SPON1: variants seen among roughly 807,000 people sequenced by gnomAD.
SPON1 encodes spondin 1.
SPON1 carries 52 observed loss-of-function variants against 111.7 expected under a neutral mutation model. That is an observed-to-expected ratio of 0.47 (90% confidence interval 0.37 to 0.59). The LOEUF is 0.59. Ranked by LOEUF, SPON1 falls within the 20% of genes least tolerant of loss-of-function variation. SPON1 has a pLI of 0.00. For synonymous variants in SPON1, 410 were observed against 395.8 expected (o/e 1.04, Z -0.43); for missense variants, 957 against 1,068.5 (o/e 0.90, Z 1.46).
At chr11:14,008,840 C>T (rs1374762483) in intron 2 of SPON1, among the ~76,000 whole-genome samples, 1 of 152,176 alleles carries the variant, frequency 6.6e-6, no homozygotes, top group African/African-American at 2.4e-5. Flanking sequence ...CAGGAATTTT[C>T]CTTCTTAAAA....
chr11:14,066,993 C>G (rs1272148212), intron 3 of SPON1, among the ~76,000 whole-genome samples: 2 of 152,024 alleles, frequency 1.3e-5, no homozygotes, highest in African/African-American at 4.8e-5. Flanking sequence ...GACAGCATAG[C>G]AAGACCCCAT....
intron 2 of SPON1, among the ~76,000 whole-genome samples, chr11:14,013,517 C>T (rs528598103): frequency 6.6e-6 from 1 of 152,204 alleles, no homozygotes. Flanking sequence ...AATTCTCTAA[C>T]TCACCAATGG....
At chr11:14,139,640 C>A (rs1427635928) in intron 6 of SPON1, among the ~76,000 whole-genome samples, 4 of 151,526 alleles carry the variant, frequency 2.6e-5, no homozygotes, top group Non-Finnish European at 4.4e-5. Flanking sequence ...GGAGATGCAG[C>A]AGTAATTAAG....
At chr11:14,081,984 T>C (rs1448140513) in intron 5 of SPON1, among the ~76,000 whole-genome samples, 2 of 152,128 alleles carry the variant, frequency 1.3e-5, no homozygotes, top group Non-Finnish European at 2.9e-5. Context: ...GGGAGACCTG[T>C]GCGAAGAAAC....
In SPON1 at chr11:14,163,341, C is replaced by T. The variant is rs1425723502; in HGVS notation, c.825+27773C>T. 2.0e-5 allele frequency among the ~76,000 whole-genome samples: 3 copies of T among 152,288 alleles called. 1 individual carries two copies. The Middle Eastern group carries it at 0.01, about 518-fold the overall frequency. ...GCAAAATTCAAGTCCAGGTCATGAG[C>T]ATCTACAACTTACATGTGTACCACA... On this transcript the variant is annotated intron_variant, in intron 6 of 15. Coordinates refer to ENST00000576479, the MANE Select transcript of SPON1 (RefSeq NM_006108.4).
chr11:14,259,382 C>T lies in SPON1; in HGVS notation c.1595C>T (p.Pro532Leu), dbSNP rs782732171. Residue 532 changes from proline to leucine, a missense_variant, in exon 12 of 16, where the codon CCG (proline) becomes CTG (leucine). Around this residue, in one of 5 missense-constraint regions of SPON1, gnomAD observed 549 missense variants for 606.2 expected, o/e 0.91. Transcript: ENST00000576479. The surrounding 1 kb of genome is among the most constrained non-coding windows in gnomAD (Gnocchi z 5.0). Reference protein sequence around the residue: ...RSRERYVKQFPEDGSVCTLPT... With the variant: ...RSRERYVKQFLEDGSVCTLPT... The stretch of plus-strand genomic sequence containing the variant: ...CGGGAGAGGTATGTGAAGCAGTTCC[C>T]GGAGGACGGCTCCGTGTGCACGCTG... 5 of 1,611,904 alleles carry T rather than the reference C, an allele frequency of 3.1e-6. No homozygotes were observed. Among genetic ancestry groups the T allele is most frequent in the African/African-American group, 1.3e-5 (1 of 75,008 alleles).
chr11:14,087,857 C>T (rs1387382574), intron 5 of SPON1, among the ~76,000 whole-genome samples: 1 of 152,178 alleles, frequency 6.6e-6, no homozygotes, highest in Non-Finnish European at 1.5e-5. Flanking sequence ...GGATAGTTAG[C>T]TCTTCTTGTT....
At chr11:13,993,123 C>T (rs1848244408) in intron 2 of SPON1, among the ~76,000 whole-genome samples, 1 of 152,080 alleles carries the variant, frequency 6.6e-6, no homozygotes, top group Admixed American at 6.6e-5. Flanking sequence ...ATACAGAGAA[C>T]ACAGACTCAC....
chr11:14,153,026 C>G (rs1375486850), intron 6 of SPON1, among the ~76,000 whole-genome samples: 1 of 152,072 alleles, frequency 6.6e-6, no homozygotes, highest in Non-Finnish European at 1.5e-5. Flanking sequence ...AAATTAGGGC[C>G]CTAAGACAAC....
At position 14,075,340 on chromosome 11, in the gene SPON1, C is replaced by T; in HGVS notation, c.480-5C>T. ...CCACTGTGCTTGGGTCTTCTTTCTT[C>T]ACAGGGCCAGCATCGTACAAAAACG... On this transcript the variant is annotated splice_region_variant and splice_polypyrimidine_tract_variant and intron_variant, in intron 3 of 15. Transcript: ENST00000576479. The T allele has an allele frequency of 1.9e-6, 3 of 1,555,938 alleles. No homozygotes were observed. Among genetic ancestry groups the T allele is most frequent in the Non-Finnish European group, 2.6e-6 (3 of 1,148,694 alleles).
intron 5 of SPON1, among the ~76,000 whole-genome samples, chr11:14,085,370 G>C (rs1226070579): frequency 6.6e-6 from 1 of 152,128 alleles, no homozygotes; most frequent in African/African-American, 2.4e-5. Context: ...CATATGGCTA[G>C]GCAGTTTTCC....
intron 5 of SPON1, among the ~76,000 whole-genome samples, chr11:14,118,918 G>A (rs142200707): frequency 1.4e-3 from 216 of 152,314 alleles, no homozygotes; most frequent in Non-Finnish European, 2.0e-3. Flanking sequence ...TGTGAGAATG[G>A]AAGGGTATTA....
chr11:14,114,729 C>T (rs1849253983), intron 5 of SPON1, among the ~76,000 whole-genome samples: 1 of 152,174 alleles, frequency 6.6e-6, no homozygotes, highest in African/African-American at 2.4e-5. Context: ...CTCTTTTCTG[C>T]TCTGTGGCTA....
Position 14,265,656 on chromosome 11 carries a change from A to T in SPON1, c.2393A>T (p.Glu798Val), listed in dbSNP as rs1174497627. The stretch of plus-strand genomic sequence containing the variant: ...TTTACCAGCTGCAAAGACAAGAAGG[A>T]GATCAGAGCATGCAATGTTCATCCT... ...SQFTSCKDKK[E>V]IRACNVHPC Residue 798 changes from glutamate to valine, a missense_variant, in exon 16 of 16, where the codon GAG becomes GTG. By Grantham distance (121) the Glu-to-Val change is moderately radical (BLOSUM62 -2). Coordinates refer to ENST00000576479, the MANE Select transcript of SPON1 (RefSeq NM_006108.4). The T allele has an allele frequency of 1.2e-5, 19 of 1,613,658 alleles. No individual in the cohort carries two copies. The highest frequency in any genetic ancestry group is 1.6e-5 in the Non-Finnish European group (19 of 1,179,832).
In SPON1 at chr11:14,028,711, C is replaced by T. The variant is rs144692243; in HGVS notation, c.346-12810C>T. On this transcript the variant is annotated intron_variant, in intron 2 of 15. Transcript: ENST00000576479. ...CATCAAGCATCTAGCAGCTCCAGGT[C>T]CCCTTCTGGGCTCTGTACACAGGAC... 6.6e-5 allele frequency among the ~76,000 whole-genome samples: 10 copies of T among 152,254 alleles called. No homozygotes were observed. In the East Asian group the frequency reaches 1.9e-3, roughly 29 times the overall value.
At chr11:14,207,688 CTAT>C (rs1848530921) in intron 6 of SPON1, among the ~76,000 whole-genome samples, 1 of 152,080 alleles carries the variant, frequency 6.6e-6, no homozygotes, top group South Asian at 2.1e-4. Context: ...CTCAGAATAG[CTAT>C]TATTAAAAAG....
intron 6 of SPON1, among the ~76,000 whole-genome samples, chr11:14,212,143 G>A (rs1848583552): frequency 1.3e-5 from 2 of 148,608 alleles, no homozygotes; most frequent in African/African-American, 5.0e-5. Context: ...CATTTCTTTA[G>A]TAACCTTCCT....
chr11:14,083,319 T>C (rs1025309915), intron 5 of SPON1, among the ~76,000 whole-genome samples: 1 of 152,190 alleles, frequency 6.6e-6, no homozygotes, highest in Non-Finnish European at 1.5e-5. Flanking sequence ...AAAAATCTAT[T>C]TTTTGGTTGA....
At chr11:14,214,828 C>T (rs1403202443) in intron 6 of SPON1, among the ~76,000 whole-genome samples, 6 of 152,168 alleles carry the variant, frequency 3.9e-5, no homozygotes, top group African/African-American at 1.2e-4. Context: ...CTGTAACAAA[C>T]TCCCCCTGTG....
Sources: allele counts gnomAD v4.1 joint callset (sites outside exome capture counted in the v4.1 genomes callset), GRCh38; gene constraint gnomAD v4.1.1; regional missense constraint gnomAD v4.1.1; non-coding constraint Gnocchi (gnomAD v3.1); transcripts MANE v1.5; gene names NCBI Gene and HGNC (gene_info 2026-07-23, HGNC 2026-07-21).